DMXL2: variants seen among roughly 807,000 people sequenced by gnomAD.
DMXL2 encodes the protein Dmx like 2.
In DMXL2, 103 loss-of-function variants were observed where a neutral mutation model predicts 331.1. The ratio of observed to expected loss-of-function variants is 0.31; its 90% CI spans 0.27 to 0.37. The LOEUF is 0.37. Among genes scored for constraint, DMXL2 ranks in the 10% least tolerant of loss-of-function variants. The probability of loss-of-function intolerance (pLI) is 1.00; values close to 1 mark genes in which losing one functional copy is unlikely to be tolerated. For synonymous variants in DMXL2, 1,281 were observed against 1,252.1 expected (o/e 1.02, Z -0.49); for missense variants, 3,171 against 3,642.9 (o/e 0.87, Z 3.33).
At chr15:51,564,878 TA>T (rs1021918166) in intron 4 of DMXL2, among the ~76,000 whole-genome samples, 1 of 151,762 alleles carries the variant, frequency 6.6e-6, no homozygotes, top group Non-Finnish European at 1.5e-5. Flanking sequence ...CTTCTTGAAA[TA>T]AAACACACAA....
At position 51,500,114 on chromosome 15, in the gene DMXL2, C is replaced by T; in HGVS notation, c.3110G>A (p.Cys1037Tyr). The T allele has an allele frequency of 6.2e-7, 1 of 1,614,174 alleles. No homozygotes were observed. The highest frequency in any genetic ancestry group is 2.2e-5 in the East Asian group (1 of 44,882). The change falls in exon 18 of 44, where the codon TGT becomes TAT. Residue 1037 changes from cysteine to tyrosine, a missense_variant. Coordinates refer to ENST00000560891, the MANE Select transcript of DMXL2 (RefSeq NM_001378457.1). ...AATTTCTTTCTCATCACTTTTATTA[C>T]ACTCTGGGTTGGCTTCCATACAACA... ...WKCCMEANPE[C>Y]NKSDEKEIYH... is the part of the protein sequence containing the mutation.
rs2048918383 is a variant in DMXL2, at chr15:51,546,830, A to G, written c.746+400T>C. Reference sequence around the variant, plus strand: ...TACATAATTGACATAATACTGATCTATTTCCCTTCAATGTGTGCTTTCCTG... The same window carrying G: ...TACATAATTGACATAATACTGATCTGTTTCCCTTCAATGTGTGCTTTCCTG... On this transcript the variant is annotated intron_variant, in intron 7 of 43. Transcript: ENST00000560891. Among the ~76,000 whole-genome samples, 5 of 152,024 alleles carry G rather than the reference A, an allele frequency of 3.3e-5. No homozygotes were observed. In the South Asian group the frequency reaches 6.2e-4, roughly 19 times the overall value.
chr15:51,459,500 A>G, intron 34 of DMXL2, 98 bp downstream of exon 34: 1 of 975,646 alleles, frequency 1.0e-6, no homozygotes, highest in East Asian at 6.0e-5. Context: ...TTCTCTGAGT[A>G]GTTAGCCAGT....
Position 51,536,270 on chromosome 15 carries a change from G to A in DMXL2, c.2210C>T (p.Ser737Leu). 6.2e-7 allele frequency: 1 copy of A among 1,613,976 alleles called. No individual in the cohort carries two copies. The highest frequency in any genetic ancestry group is 8.5e-7 in the Non-Finnish European group (1 of 1,179,902). ...LWRVDPIGPL[S>L]YTGGVSELAR... is the part of the protein sequence containing the mutation. The stretch of plus-strand genomic sequence containing the variant: ...CAATTCTGATACTCCTCCAGTGTAT[G>A]ACAAAGGTCCTATTGGGTCTACACG... The change falls in exon 12 of 44, where the codon TCA becomes TTA. Residue 737 changes from serine to leucine, a missense_variant. Physicochemically the swap from Ser to Leu is moderately radical, Grantham distance 145. Coordinates refer to ENST00000560891, the MANE Select transcript of DMXL2 (RefSeq NM_001378457.1).
At chr15:51,486,593 C>T (rs1473778124) in intron 22 of DMXL2, among the ~76,000 whole-genome samples, 1 of 152,124 alleles carries the variant, frequency 6.6e-6, no homozygotes, top group Non-Finnish European at 1.5e-5. Flanking sequence ...TCATCTCAGA[C>T]TTAAGATCAA....
chr15:51,613,084 T>C (rs900900386), intron 1 of DMXL2, among the ~76,000 whole-genome samples: 2 of 152,256 alleles, frequency 1.3e-5, no homozygotes, highest in Non-Finnish European at 2.9e-5. Context: ...ACATTGCTGT[T>C]ATCCTGTTCT....
At chr15:51,457,671 T>A in intron 36 of DMXL2, 1 of 514,408 alleles carries the variant, frequency 1.9e-6, no homozygotes, top group Non-Finnish European at 3.3e-6. Flanking sequence ...TTTAGTCTAA[T>A]GTTGTTTGGG....
At chr15:51,494,570 A>C (rs1596001301) in intron 19 of DMXL2, among the ~76,000 whole-genome samples, 1 of 152,330 alleles carries the variant, frequency 6.6e-6, no homozygotes, top group East Asian at 1.9e-4. Flanking sequence ...GAAGTACACA[A>C]ATCCACTGTT....
intron 22 of DMXL2, among the ~76,000 whole-genome samples, chr15:51,487,404 T>A (rs1332759514): frequency 6.7e-6 from 1 of 148,714 alleles, no homozygotes; most frequent in Non-Finnish European, 1.5e-5. Flanking sequence ...TTTTCAGCAT[T>A]TTTTTCATAT....
At chr15:51,594,899 T>C (rs554484901) in intron 1 of DMXL2, among the ~76,000 whole-genome samples, 410 of 152,334 alleles carry the variant, frequency 2.7e-3, no homozygotes, top group African/African-American at 9.5e-3. Context: ...AATTAGGTAT[T>C]GATGGGTTGT....
chr15:51,452,403 C>CTT (rs2039228449), intron 41 of DMXL2, among the ~76,000 whole-genome samples: 1 of 151,974 alleles, frequency 6.6e-6, no homozygotes, highest in Admixed American at 6.6e-5. Flanking sequence ...CTACAAGGAA[C>CTT]TTAACAAGAA....
intron 1 of DMXL2, among the ~76,000 whole-genome samples, chr15:51,598,936 A>G (rs1488331149): frequency 1.3e-5 from 2 of 152,264 alleles, no homozygotes; most frequent in Non-Finnish European, 2.9e-5. Context: ...TAGTTTTAGT[A>G]CTACTATGAT....
intron 13 of DMXL2, among the ~76,000 whole-genome samples, chr15:51,518,466 A>G (rs2047160612): frequency 6.6e-6 from 1 of 152,222 alleles, no homozygotes; most frequent in African/African-American, 2.4e-5. Context: ...TTTGCTACTC[A>G]AAGTGTAGTC....
Position 51,480,600 on chromosome 15 carries a change from C to A in DMXL2, c.6506G>T (p.Gly2169Val). 6.3e-7 allele frequency: 1 copy of A among 1,584,714 alleles called. No individual in the cohort carries two copies. Among genetic ancestry groups the A allele is most frequent in the Non-Finnish European group, 8.6e-7 (1 of 1,161,210 alleles). The part of the protein sequence containing the change: ...LSYCSLHGAQ[G>V]GGLASVRMEL... Reference sequence around the variant, plus strand: ...CATCCTTACTGAAGCCAAACCACCACCTTGGGCCCCATGAAGGCTACAGTA... The same window carrying A: ...CATCCTTACTGAAGCCAAACCACCAACTTGGGCCCCATGAAGGCTACAGTA... The change falls in exon 24 of 44, where the codon GGT (glycine) becomes GTT (valine). Residue 2169 changes from glycine (G) to valine (V), a missense_variant. By Grantham distance (109) the Gly-to-Val change is moderately radical (BLOSUM62 -3). Coordinates refer to ENST00000560891, the MANE Select transcript of DMXL2 (RefSeq NM_001378457.1).
At chr15:51,480,515 A>G (rs775888875) in intron 24 of DMXL2, 27 bp downstream of exon 24, 45 of 1,482,752 alleles carry the variant, frequency 3.0e-5, no homozygotes, top group Non-Finnish European at 3.9e-5. Flanking sequence ...GAAATAACCA[A>G]GATTGAAAAA....
intron 34 of DMXL2, 136 bp from the exon 35 acceptor site, chr15:51,458,931 T>A: frequency 1.3e-6 from 1 of 768,708 alleles, no homozygotes; most frequent in Non-Finnish European, 2.1e-6. Flanking sequence ...GAAAAAAGGG[T>A]AAGAGTAACT....
rs532101513 is a variant in DMXL2 at position 51,457,822 on chromosome 15, G to C, written c.8199-356C>G. ...TGAGTTTAAAGATTTCTTGGAGTAA[G>C]ACATATAAAATGTGAAAGTAATTGT... is the stretch of plus-strand genomic sequence containing the variant. On this transcript the variant is annotated intron_variant, in intron 36 of 43. Transcript: ENST00000560891. 2.1e-5 allele frequency: 4 copies of C among 186,750 alleles called. No homozygotes were observed. The South Asian group carries it at 4.8e-4, about 22-fold the overall frequency. 11.6% of individuals were successfully genotyped at this position (186,750 alleles called of 1,614,324 possible).
intron 1 of DMXL2, among the ~76,000 whole-genome samples, chr15:51,601,290 C>CAAAAAA (rs200188441): frequency 1.0e-5 from 1 of 96,594 alleles, no homozygotes. Context: ...GACTCCATCT[C>CAAAAAA]AAAAAAAAAA....
intron 2 of DMXL2, among the ~76,000 whole-genome samples, chr15:51,569,744 T>C (rs911814983): frequency 2.6e-5 from 4 of 152,186 alleles, no homozygotes; most frequent in Non-Finnish European, 5.9e-5. Flanking sequence ...GGGGCCTGAC[T>C]GTTAGAAAGA....
Sources: allele counts gnomAD v4.1 joint callset (sites outside exome capture counted in the v4.1 genomes callset), GRCh38; gene constraint gnomAD v4.1.1; transcripts MANE v1.5; gene names NCBI Gene and HGNC (gene_info 2026-07-23, HGNC 2026-07-21).